The following ZNF385D variants were observed in gnomAD, a reference collection of about 807,000 sequenced individuals.
ZNF385D encodes zinc finger protein 659.
ZNF385D carries 15 observed loss-of-function variants against 35.8 expected under a neutral mutation model. That is an observed-to-expected ratio of 0.42 (90% confidence interval 0.28 to 0.64). The LOEUF is 0.64. Ranked by LOEUF, ZNF385D falls within the 30% of genes least tolerant of loss-of-function variation. ZNF385D has a pLI of 0.23. For synonymous variants in ZNF385D, 212 were observed against 186.8 expected, an observed-to-expected ratio of 1.13 and a Z score of -1.10; for missense variants, 474 against 494.6, an observed-to-expected ratio of 0.96 and a Z score of 0.39.
At chr3:22,349,395 G>A (rs1434849474) in intron 2 of ZNF385D, among the ~76,000 whole-genome samples, 2 of 152,180 alleles carry the variant, frequency 1.3e-5, no homozygotes, top group Non-Finnish European at 2.9e-5. Flanking sequence ...AGACTGCTCA[G>A]TGTGGAGGTA....
intron 2 of ZNF385D, among the ~76,000 whole-genome samples, chr3:22,181,736 G>T (rs1226840904): frequency 6.6e-6 from 1 of 151,838 alleles, no homozygotes; most frequent in East Asian, 1.9e-4. Context: ...AAAGGTGATG[G>T]GATATACATC....
chr3:22,334,460 A>C (rs1479659991), intron 2 of ZNF385D, among the ~76,000 whole-genome samples: 1 of 152,166 alleles, frequency 6.6e-6, no homozygotes. Context: ...AGATTTAATT[A>C]AATGTACCCA....
chr3:22,255,512 C>A (rs542862405), intron 2 of ZNF385D, among the ~76,000 whole-genome samples: 1 of 151,580 alleles, frequency 6.6e-6, no homozygotes, highest in South Asian at 2.1e-4. Context: ...TCAATTATTC[C>A]CATTCAAAAT....
exon 2 of ZNF385D, chr3:22,372,451 G>A (rs1696956445): frequency 3.0e-6 from 3 of 985,900 alleles, no homozygotes; most frequent in African/African-American, 3.5e-5. Context: ...TCAACTTACC[G>A]CGGCTGGGCT....
At chr3:22,222,042 T>C (rs1308352541) in intron 2 of ZNF385D, among the ~76,000 whole-genome samples, 1 of 152,062 alleles carries the variant, frequency 6.6e-6, no homozygotes, top group Non-Finnish European at 1.5e-5. Flanking sequence ...AGTGGTGCGA[T>C]CTCAGCTCAC....
intron 4 of ZNF385D, among the ~76,000 whole-genome samples, chr3:21,509,472 A>G (rs537034275): frequency 6.6e-6 from 1 of 152,268 alleles, no homozygotes; most frequent in East Asian, 1.9e-4. Context: ...TTATTAGAGA[A>G]AAGACCAAAG....
At chr3:21,889,080 A>C (rs926823742) in intron 3 of ZNF385D, among the ~76,000 whole-genome samples, 3 of 152,206 alleles carry the variant, frequency 2.0e-5, no homozygotes, top group Non-Finnish European at 4.4e-5. Flanking sequence ...TTTGTCAGAG[A>C]CCTTAATAAG....
At chr3:22,276,583 T>C (rs1041271575) in intron 2 of ZNF385D, among the ~76,000 whole-genome samples, 1 of 152,200 alleles carries the variant, frequency 6.6e-6, no homozygotes, top group Non-Finnish European at 1.5e-5. Context: ...ATCACAGTTA[T>C]ACTTTGTGGA....
chr3:21,879,164 G>A (rs1698138609), intron 3 of ZNF385D, among the ~76,000 whole-genome samples: 1 of 151,946 alleles, frequency 6.6e-6, no homozygotes, highest in African/African-American at 2.4e-5. Context: ...TTTACCTCTT[G>A]TTGAATTTTT....
intron 2 of ZNF385D, among the ~76,000 whole-genome samples, chr3:21,644,334 G>C (rs1234701006): frequency 1.3e-5 from 2 of 152,136 alleles, no homozygotes; most frequent in Non-Finnish European, 2.9e-5. Context: ...CAGGTGGCCA[G>C]AGACTCTCCC....
intron 3 of ZNF385D, among the ~76,000 whole-genome samples, chr3:21,977,585 A>G (rs1703711261): frequency 6.6e-6 from 1 of 152,116 alleles, no homozygotes; most frequent in Non-Finnish European, 1.5e-5. Flanking sequence ...TTTGGAGGCC[A>G]TAGTGGGAAG....
At chr3:22,042,625 G>A (rs992085405) in intron 3 of ZNF385D, among the ~76,000 whole-genome samples, 1 of 152,064 alleles carries the variant, frequency 6.6e-6, no homozygotes, top group Admixed American at 6.6e-5. Context: ...CTTCTCTGCT[G>A]GGAAAGCCCA....
intron 3 of ZNF385D, among the ~76,000 whole-genome samples, chr3:21,873,448 A>G (rs1697799572): frequency 6.6e-6 from 1 of 152,128 alleles, no homozygotes; most frequent in African/African-American, 2.4e-5. Flanking sequence ...TTTTCTATGT[A>G]TCTACTTATT....
At chr3:22,030,388 A>C (rs2125478401) in intron 3 of ZNF385D, among the ~76,000 whole-genome samples, 1 of 148,094 alleles carries the variant, frequency 6.8e-6, no homozygotes, top group South Asian at 2.2e-4. Flanking sequence ...GGCCTCAGGA[A>C]ACTTACAATC....
At chr3:22,030,301 A>ATATATATATATC (rs1553591399) in intron 3 of ZNF385D, among the ~76,000 whole-genome samples, 1 of 110,490 alleles carries the variant, frequency 9.1e-6, no homozygotes, top group Non-Finnish European at 1.9e-5. Context: ...ATATATATAT[A>ATATATATATATC]TCCTATTTGG....
intron 3 of ZNF385D, among the ~76,000 whole-genome samples, chr3:22,154,575 G>C (rs984388976): frequency 6.6e-6 from 1 of 152,110 alleles, no homozygotes; most frequent in Non-Finnish European, 1.5e-5. Context: ...AATAGTCCTG[G>C]AGTCCTAAAT....
At chr3:21,887,223 G>A (rs1232290799) in intron 3 of ZNF385D, among the ~76,000 whole-genome samples, 1 of 152,144 alleles carries the variant, frequency 6.6e-6, no homozygotes, top group East Asian at 1.9e-4. Flanking sequence ...TGTCATCAAA[G>A]ATATTTGGGC....
At chr3:22,186,633 C>A (rs916408837) in intron 2 of ZNF385D, among the ~76,000 whole-genome samples, 1 of 148,344 alleles carries the variant, frequency 6.7e-6, no homozygotes, top group African/African-American at 2.4e-5. Context: ...GGCAAATGAG[C>A]TGGGTCATAA....
intron 3 of ZNF385D, among the ~76,000 whole-genome samples, chr3:22,136,012 T>C (rs1704077624): frequency 6.6e-6 from 1 of 152,054 alleles, no homozygotes; most frequent in Non-Finnish European, 1.5e-5. Context: ...TGCTACAAAA[T>C]TAGTAAGAGA....
Sources: allele counts gnomAD v4.1 joint callset (sites outside exome capture counted in the v4.1 genomes callset), GRCh38; gene constraint gnomAD v4.1.1; transcripts MANE v1.5; gene names NCBI Gene and HGNC (gene_info 2026-07-23, HGNC 2026-07-21).